SIK3: variants seen among roughly 807,000 people sequenced by gnomAD.
The protein encoded by SIK3 is serine/threonine-protein kinase SIK3.
SIK3 carries 28 observed loss-of-function variants against 144.2 expected under a neutral mutation model. That is an observed-to-expected ratio of 0.19 (90% CI 0.14 to 0.27). The LOEUF (loss-of-function observed/expected upper bound fraction) is 0.27. Among genes scored for constraint, SIK3 ranks in the 10% least tolerant of loss-of-function variants. SIK3 has a pLI of 1.00. For missense variants in SIK3, 1,319 were observed against 1,776.0 expected (o/e 0.74, Z 4.62); for synonymous variants, 686 against 676.3 (o/e 1.01, Z -0.22).
At chr11:116,956,847 A>G (rs1442076128) in intron 2 of SIK3, 101 bp downstream of exon 2, 1 of 649,816 alleles carries the variant, frequency 1.5e-6, no homozygotes, top group Non-Finnish European at 2.5e-6. Flanking sequence ...TAGAAACAAA[A>G]AAAGTCACAG....
chr11:116,926,288 T>C (rs1466628302), intron 4 of SIK3, among the ~76,000 whole-genome samples: 3 of 152,224 alleles, frequency 2.0e-5, no homozygotes, highest in Non-Finnish European at 4.4e-5. Flanking sequence ...ATTTACAGTT[T>C]CTCTATAGAT....
Position 116,896,290 on chromosome 11 carries a change from C to G in SIK3, c.828G>C (p.Leu276=), listed in dbSNP as rs1160482364. ...STLQNLRARV[L]SGKFRIPFFM... Reference sequence around the variant, plus strand: ...AAAATGGGATGCGGAACTTTCCACTCAGCACGCGGGCCCGCAGATTCTGCA... The same window carrying G: ...AAAATGGGATGCGGAACTTTCCACTGAGCACGCGGGCCCGCAGATTCTGCA... The change falls in exon 6 of 25, where the codon CTG becomes CTC. Residue 276 remains leucine, a synonymous_variant. Transcript: ENST00000445177. 3.7e-6 allele frequency: 6 copies of G among 1,613,940 alleles called. No homozygotes were observed. In the Admixed American group the frequency reaches 1.0e-4, roughly 27 times the overall value.
intron 19 of SIK3, among the ~76,000 whole-genome samples, chr11:116,859,863 G>C (rs1943214473): frequency 6.6e-6 from 1 of 152,176 alleles, no homozygotes; most frequent in Non-Finnish European, 1.5e-5. Context: ...TCCCTTAAAA[G>C]CTGGTCCATG....
chr11:116,983,223 T>C (rs1220165699), intron 1 of SIK3, among the ~76,000 whole-genome samples: 3 of 126,612 alleles, frequency 2.4e-5, no homozygotes, highest in Admixed American at 8.1e-5. Flanking sequence ...CGAGACTCTG[T>C]CTCAAAAAAA....
At chr11:116,894,136 C>A (rs1403072442) in intron 6 of SIK3, among the ~76,000 whole-genome samples, 1 of 152,184 alleles carries the variant, frequency 6.6e-6, no homozygotes, top group Non-Finnish European at 1.5e-5. Context: ...AGTCTCTTCA[C>A]TTGTCTCCTA....
At chr11:117,049,171 T>G (rs1370031424) in intron 1 of SIK3, among the ~76,000 whole-genome samples, 1 of 152,202 alleles carries the variant, frequency 6.6e-6, no homozygotes, top group Non-Finnish European at 1.5e-5. Context: ...TAAAAGATTT[T>G]TAGGGGTTGT....
At chr11:116,928,501 G>A (rs1947409280) in intron 3 of SIK3, among the ~76,000 whole-genome samples, 1 of 152,152 alleles carries the variant, frequency 6.6e-6, no homozygotes, top group Non-Finnish European at 1.5e-5. Flanking sequence ...CAACAGTTTT[G>A]GTAGAATACA....
chr11:117,084,075 A>G (rs1954903000), intron 1 of SIK3, among the ~76,000 whole-genome samples: 1 of 152,198 alleles, frequency 6.6e-6, no homozygotes, highest in South Asian at 2.1e-4. Context: ...TGACTTCTTT[A>G]TCATTTTAAA....
In SIK3 at chr11:117,021,928, C is replaced by CAAAAAAAAAAAAAAAAAAAAAAAA. The variant is rs71037444; in HGVS notation, c.274-64888_274-64865dup. 1.4e-4 allele frequency among the ~76,000 whole-genome samples: 8 copies of CAAAAAAAAAAAAAAAAAAAAAAAA among 58,998 alleles called. 1 individual carries two copies. Among genetic ancestry groups the CAAAAAAAAAAAAAAAAAAAAAAAA allele is most frequent in the East Asian group, 1.3e-3 (2 of 1,508 alleles). The allele number at this position is 58,998 out of a possible 152,430, so 38.7% of individuals were successfully genotyped here. On this transcript the variant is annotated intron_variant, in intron 1 of 24. Transcript: ENST00000445177. ...ATAGCACAGTGAGCCTCTGTCTCTA[C>CAAAAAAAAAAAAAAAAAAAAAAAA]AAAAAAAAAAAAAAAAAAAAAAAAA...
intron 3 of SIK3, among the ~76,000 whole-genome samples, chr11:116,951,099 A>AC (rs1321860662): frequency 1.3e-5 from 2 of 152,288 alleles, no homozygotes; most frequent in African/African-American, 4.8e-5. Flanking sequence ...CAACTATAAT[A>AC]CAAATATTCT....
intron 3 of SIK3, among the ~76,000 whole-genome samples, chr11:116,933,759 T>A (rs1947754402): frequency 6.6e-6 from 1 of 152,200 alleles, no homozygotes; most frequent in Non-Finnish European, 1.5e-5. Context: ...AGTCTGCATT[T>A]CTATGTAGCA....
chr11:116,994,501 G>A (rs1950595804), intron 1 of SIK3, among the ~76,000 whole-genome samples: 1 of 152,112 alleles, frequency 6.6e-6, no homozygotes, highest in African/African-American at 2.4e-5. Context: ...TTACGGTGAG[G>A]ATTATAACAA....
At chr11:117,068,656 G>T (rs1204177457) in intron 1 of SIK3, among the ~76,000 whole-genome samples, 2 of 152,184 alleles carry the variant, frequency 1.3e-5, no homozygotes, top group Non-Finnish European at 2.9e-5. Context: ...CTGAGCCCAG[G>T]AGGCTGAGGC....
intron 9 of SIK3, 193 bp from the exon 10 acceptor site, chr11:116,875,644 T>G (rs1944211271): frequency 1.2e-6 from 1 of 817,684 alleles, no homozygotes; most frequent in Non-Finnish European, 1.9e-6. Context: ...TTGCTATTTC[T>G]TCAAAAAAAC....
chr11:116,883,434 T>C (rs1404669295), intron 6 of SIK3, among the ~76,000 whole-genome samples: 1 of 152,048 alleles, frequency 6.6e-6, no homozygotes, highest in Admixed American at 6.6e-5. Context: ...AAACCAGGGG[T>C]GTTTTCTGCC....
chr11:117,015,088 T>A (rs575508705), intron 1 of SIK3, among the ~76,000 whole-genome samples: 15 of 152,050 alleles, frequency 9.9e-5, no homozygotes, highest in African/African-American at 3.1e-4. Context: ...GTTTTTAATT[T>A]AAAAAAAATT....
chr11:116,861,395 CA>C lies in SIK3; in HGVS notation c.2316-13del. 6.4e-7 allele frequency: 1 copy of C among 1,567,736 alleles called. No individual in the cohort carries two copies. On this transcript the variant is annotated splice_polypyrimidine_tract_variant and intron_variant, in intron 18 of 24. Coordinates refer to ENST00000445177, the MANE Select transcript of SIK3 (RefSeq NM_001366686.3). Reference sequence around the variant, plus strand: ...GCTGAATCCTTAACCTTAAAAATAACAAAAGAGATACACAAAGAAGCTTCCT... The same window carrying C: ...GCTGAATCCTTAACCTTAAAAATAACAAAGAGATACACAAAGAAGCTTCCT...
chr11:116,956,503 A>G (rs1265440187), intron 2 of SIK3, among the ~76,000 whole-genome samples: 5 of 152,224 alleles, frequency 3.3e-5, no homozygotes, highest in Admixed American at 6.5e-5. Context: ...GTCCTTTGCC[A>G]TAACAATTTA....
chr11:116,851,969 C>T (rs1324303992), intron 21 of SIK3, among the ~76,000 whole-genome samples: 1 of 152,214 alleles, frequency 6.6e-6, no homozygotes, highest in African/African-American at 2.4e-5. Context: ...CACTCAATTC[C>T]TCGGGGTGCT....
Sources: allele counts gnomAD v4.1 joint callset (sites outside exome capture counted in the v4.1 genomes callset), GRCh38; gene constraint gnomAD v4.1.1; transcripts MANE v1.5; gene names NCBI Gene and HGNC (gene_info 2026-07-23, HGNC 2026-07-21).